The following DACH1 variants were observed in gnomAD, a reference collection of about 807,000 sequenced individuals.
DACH1 encodes dachshund family transcription factor 1.
A neutral mutation model predicts 54.2 loss-of-function variants in DACH1; 12 were observed. The ratio of observed to expected loss-of-function variants is 0.22; its 90% CI spans 0.14 to 0.36. The LOEUF is 0.36. Among genes scored for constraint, DACH1 ranks in the 10% least tolerant of loss-of-function variants. The pLI is 1.00. For missense variants in DACH1, 805 were observed against 929.8 expected (o/e 0.87, Z 1.75); for synonymous variants, 386 against 366.2 (o/e 1.05, Z -0.62).
intron 3 of DACH1, among the ~76,000 whole-genome samples, chr13:71,616,816 AAG>A (rs139700767): frequency 2.2e-4 from 33 of 150,766 alleles, no homozygotes; most frequent in Admixed American, 4.6e-4. Flanking sequence ...TATACATAGA[AAG>A]AGAGAGAGAG....
chr13:71,488,860 C>G (rs1399347688), intron 7 of DACH1, 137 bp downstream of exon 7: 1 of 624,512 alleles, frequency 1.6e-6, no homozygotes, highest in Non-Finnish European at 2.6e-6. Context: ...GGTTTAAAAT[C>G]TAAGTTGCTT....
chr13:71,474,537 G>A (rs150944940), intron 10 of DACH1, among the ~76,000 whole-genome samples: 168 of 152,168 alleles, frequency 1.1e-3, no homozygotes, highest in African/African-American at 3.9e-3. Context: ...GTACGATCAT[G>A]ACAATATACA....
At chr13:71,556,255 T>A (rs565071903) in intron 6 of DACH1, among the ~76,000 whole-genome samples, 2 of 152,260 alleles carry the variant, frequency 1.3e-5, no homozygotes, top group Non-Finnish European at 2.9e-5. Context: ...GATTATTTGA[T>A]GGCTTTGTCA....
chr13:71,859,293 A>G (rs1223126005), intron 1 of DACH1, among the ~76,000 whole-genome samples: 3 of 151,788 alleles, frequency 2.0e-5, no homozygotes, highest in African/African-American at 7.2e-5. Context: ...AAATGGGTGA[A>G]TTCGAATGCT....
chr13:71,681,394 A>T (rs1880887758), intron 2 of DACH1, among the ~76,000 whole-genome samples: 1 of 152,204 alleles, frequency 6.6e-6, no homozygotes, highest in African/African-American at 2.4e-5. Context: ...ATGCATGTCT[A>T]TCAATTTCTG....
At chr13:71,719,492 GA>G (rs1354688157) in intron 1 of DACH1, among the ~76,000 whole-genome samples, 1 of 152,092 alleles carries the variant, frequency 6.6e-6, no homozygotes, top group Non-Finnish European at 1.5e-5. Flanking sequence ...AATAGACATA[GA>G]TTTTTTTCTA....
intron 1 of DACH1, among the ~76,000 whole-genome samples, chr13:71,746,032 A>C (rs1220329710): frequency 6.6e-6 from 1 of 152,182 alleles, no homozygotes; most frequent in African/African-American, 2.4e-5. Flanking sequence ...ATCCTGGCCA[A>C]CATGGTGAAA....
intron 2 of DACH1, chr13:71,675,132 A>T: frequency 6.3e-7 from 1 of 1,584,272 alleles, no homozygotes; most frequent in Non-Finnish European, 8.7e-7. Flanking sequence ...AACTGGCTAC[A>T]AAAGCCGCTC....
chr13:71,486,318 G>GAA (rs958406063), intron 7 of DACH1, among the ~76,000 whole-genome samples: 1 of 151,990 alleles, frequency 6.6e-6, no homozygotes, highest in African/African-American at 2.4e-5. Context: ...TTTTGGCATA[G>GAA]AAAGCACAGA....
At chr13:71,571,765 T>G (rs1002377119) in intron 4 of DACH1, among the ~76,000 whole-genome samples, 1 of 146,150 alleles carries the variant, frequency 6.8e-6, no homozygotes, top group Non-Finnish European at 1.5e-5. Context: ...AGACGGAGTC[T>G]CACTGTGTCA....
chr13:71,532,241 A>G (rs1457380424), intron 6 of DACH1, among the ~76,000 whole-genome samples: 1 of 151,962 alleles, frequency 6.6e-6, no homozygotes, highest in Non-Finnish European at 1.5e-5. Context: ...TTATTAGACT[A>G]TATTGTTAAA....
chr13:71,690,806 C>G (rs753941278), intron 1 of DACH1, among the ~76,000 whole-genome samples: 4 of 151,998 alleles, frequency 2.6e-5, no homozygotes, highest in African/African-American at 4.8e-5. Flanking sequence ...GTGGTGCATG[C>G]CTGTAGTCCC....
rs1295202270 is a variant in DACH1, at chr13:71,439,211, T to G, written c.*1444A>C. On this transcript the variant is annotated 3_prime_UTR_variant, in exon 11 of 11. Coordinates refer to ENST00000613252, the MANE Select transcript of DACH1 (RefSeq NM_080759.6). ...TTAAGATGACAGAAAAATCATAAAA[T>G]GTATAGTGACCGTACTGATTCATAT... The G allele has an allele frequency of 6.6e-6, 1 of 152,486 alleles. No individual in the cohort carries two copies. The highest frequency in any genetic ancestry group is 6.6e-5 in the Admixed American group (1 of 15,246). The allele number at this position is 152,486 out of a possible 1,614,324, so 9.4% of individuals were successfully genotyped here. A position where few individuals can be genotyped will look rare whatever the true frequency, so the allele number is the denominator to read the frequency against.
chr13:71,821,454 G>C (rs1384626943), intron 1 of DACH1, among the ~76,000 whole-genome samples: 1 of 148,846 alleles, frequency 6.7e-6, no homozygotes, highest in African/African-American at 2.5e-5. Context: ...TAAATTCTAA[G>C]ATTTTAAATT....
At chr13:71,609,127 T>C (rs1390468670) in intron 3 of DACH1, among the ~76,000 whole-genome samples, 1 of 152,100 alleles carries the variant, frequency 6.6e-6, no homozygotes, top group Non-Finnish European at 1.5e-5. Flanking sequence ...GTATAAAATT[T>C]ATTCTAAACC....
intron 2 of DACH1, among the ~76,000 whole-genome samples, chr13:71,640,263 C>A (rs1016538576): frequency 1.2e-4 from 18 of 151,946 alleles, no homozygotes; most frequent in African/African-American, 4.3e-4. Context: ...TCAGGTATGT[C>A]ACAAATATAC....
intron 1 of DACH1, among the ~76,000 whole-genome samples, chr13:71,810,898 G>T (rs1178809708): frequency 6.6e-6 from 1 of 152,056 alleles, no homozygotes; most frequent in Non-Finnish European, 1.5e-5. Flanking sequence ...CCAAAATACT[G>T]TAATCTGCAA....
intron 10 of DACH1, among the ~76,000 whole-genome samples, chr13:71,471,666 C>T (rs1222573883): frequency 1.3e-5 from 2 of 151,490 alleles, no homozygotes; most frequent in Non-Finnish European, 2.9e-5. Flanking sequence ...GCAGGAGAAT[C>T]GCTTGAACCC....
intron 1 of DACH1, among the ~76,000 whole-genome samples, chr13:71,774,716 A>G (rs1885992401): frequency 6.6e-6 from 1 of 152,140 alleles, no homozygotes; most frequent in South Asian, 2.1e-4. Context: ...AATGCTGTCC[A>G]TTCTAGAACA....
Sources: gnomAD v4.1 joint callset for allele counts (sites outside exome capture counted in the v4.1 genomes callset) on GRCh38, gnomAD v4.1.1 for gene constraint, MANE v1.5 for transcripts, NCBI Gene and HGNC (gene_info 2026-07-23, HGNC 2026-07-21) for gene names.